The following TJP2 variants were observed in gnomAD, a reference collection of about 807,000 sequenced individuals.
TJP2 encodes the protein tight junction protein 2.
Under a neutral mutation model 133.1 loss-of-function variants are expected in TJP2, and 91 were observed. The ratio of observed to expected loss-of-function variants is 0.68; its 90% confidence interval spans 0.58 to 0.81. TJP2 has a LOEUF of 0.81. Among genes scored for constraint, TJP2 ranks in the 40% least tolerant of loss-of-function variants. TJP2 has a pLI of 0.00. For missense variants in TJP2, 1,541 were observed against 1,565.6 expected (o/e 0.98, Z 0.26); for synonymous variants, 592 against 583.4 (o/e 1.01, Z -0.21).
At chr9:69,132,326 G>C (rs1353292378) in intron 1 of TJP2, among the ~76,000 whole-genome samples, 1 of 152,194 alleles carries the variant, frequency 6.6e-6, no homozygotes, top group Non-Finnish European at 1.5e-5. Flanking sequence ...CATCAGCTGA[G>C]AGCCACCTTG....
Position 69,237,131 on chromosome 9 carries a change from GAGA to G in TJP2, c.2177_2179del (p.Glu726del). 2 of 1,614,056 alleles carry G rather than the reference GAGA, an allele frequency of 1.2e-6. No individual in the cohort carries two copies. Among genetic ancestry groups the G allele is most frequent in the Non-Finnish European group, 1.7e-6 (2 of 1,179,972 alleles). On this transcript the variant is annotated inframe_deletion and splice_region_variant, in exon 14 of 23. Coordinates refer to ENST00000377245, the MANE Select transcript of TJP2 (RefSeq NM_004817.4). ...CCAGCTTATGAGAGGGTTTTGCTGCGAGAAGGTGAGGAAGTCACATGGGGCCTG... is the reference window on the plus strand; with the variant it reads ...CCAGCTTATGAGAGGGTTTTGCTGCGAGGTGAGGAAGTCACATGGGGCCTG...
rs1001494181 is a variant in TJP2, at chr9:69,163,930, G to A, written c.-10+12159G>A. Among the ~76,000 whole-genome samples, 6 of 152,214 alleles carry A rather than the reference G, an allele frequency of 3.9e-5. No individual in the cohort carries two copies. In the East Asian group the frequency reaches 5.8e-4, roughly 15 times the overall value. On this transcript the variant is annotated intron_variant, in intron 2 of 5. Transcript: ENST00000423935. ...GAATCACCTGGGGGGGCATGTGAAC[G>A]CTGTCAGATCCCAACGCCCTTCTCA...
At chr9:69,130,624 T>C (rs1179352300) in intron 1 of TJP2, among the ~76,000 whole-genome samples, 5 of 152,070 alleles carry the variant, frequency 3.3e-5, no homozygotes, top group African/African-American at 9.7e-5. Context: ...GGAACTTGCA[T>C]GACGGAAGGG....
At chr9:69,139,170 T>C (rs544448786) in intron 1 of TJP2, among the ~76,000 whole-genome samples, 2 of 152,136 alleles carry the variant, frequency 1.3e-5, no homozygotes, top group East Asian at 1.9e-4. Flanking sequence ...TGAGCTGAGA[T>C]TGAGCCACTG....
chr9:69,227,871 A>G lies in TJP2; in HGVS notation c.1317A>G (p.Pro439=). 6.2e-7 allele frequency: 1 copy of G among 1,613,420 alleles called. No individual in the cohort carries two copies. Among genetic ancestry groups the G allele is most frequent in the Non-Finnish European group, 8.5e-7 (1 of 1,179,328 alleles). ...CAAGTGAGAAGCTGAAGGAAAGGCC[A>G]AGGTAAGATGACATGAATATTCTCT... ...HSSSEKLKER[P]SSREDTPSRL... The change falls in exon 8 of 23, where the codon CCA becomes CCG. Residue 439 remains proline, a splice_region_variant and synonymous_variant. Coordinates refer to ENST00000377245, the MANE Select transcript of TJP2 (RefSeq NM_004817.4).
At chr9:69,211,274 T>G (rs1827892022) in intron 1 of TJP2, among the ~76,000 whole-genome samples, 2 of 152,218 alleles carry the variant, frequency 1.3e-5, no homozygotes, top group South Asian at 4.1e-4. Context: ...GAGGCGGAGG[T>G]TGCAGTGAGT....
chr9:69,212,483 A>C, intron 1 of TJP2, 65 bp from the exon 2 acceptor site: 1 of 1,240,770 alleles, frequency 8.1e-7, no homozygotes. Context: ...TTTGAATGAT[A>C]ATTTTATTTC....
At chr9:69,210,430 T>TGTA (rs1490649706) in intron 1 of TJP2, among the ~76,000 whole-genome samples, 2 of 152,144 alleles carry the variant, frequency 1.3e-5, no homozygotes, top group Admixed American at 1.3e-4. Context: ...CAGACACTGT[T>TGTA]GTAGCAGATA....
rs1165850721 is a variant in TJP2 at position 69,252,856 on chromosome 9, A to G, written c.3363A>G (p.Pro1121=). 5 of 1,614,066 alleles carry G rather than the reference A, an allele frequency of 3.1e-6. No individual in the cohort carries two copies. Among genetic ancestry groups the G allele is most frequent in the Non-Finnish European group, 4.2e-6 (5 of 1,180,038 alleles). ...AGCATCCTGATATCTATGCAGTTCCAATCAAAACGCACAAGCCAGACCCTG... is the reference window on the plus strand; with the variant it reads ...AGCATCCTGATATCTATGCAGTTCCGATCAAAACGCACAAGCCAGACCCTG... ...AQKHPDIYAV[P]IKTHKPDPGT... The change falls in exon 22 of 23, where the codon CCA becomes CCG. Residue 1121 remains proline, a synonymous_variant. Transcript: ENST00000377245.
chr9:69,205,167 G>T (rs142753469), intron 1 of TJP2: 1 of 1,537,272 alleles, frequency 6.5e-7, no homozygotes, highest in African/African-American at 1.4e-5. Flanking sequence ...AGACCATGAA[G>T]ACTGCTCAAG....
chr9:69,235,989 A>G (rs761955301), intron 12 of TJP2, 39 bp from the exon 13 acceptor site: 26 of 1,596,544 alleles, frequency 1.6e-5, no homozygotes, highest in Non-Finnish European at 2.2e-5. Context: ...TGTAACTTGT[A>G]CTAAGCTGAA....
intron 4 of TJP2, 158 bp downstream of exon 4, chr9:69,218,517 G>A (rs1828561409): frequency 1.5e-6 from 1 of 688,898 alleles, no homozygotes. Flanking sequence ...GAAGATATGT[G>A]TAAGTTATCT....
chr9:69,149,262 A>G (rs991021514), intron 1 of TJP2, among the ~76,000 whole-genome samples: 9 of 152,262 alleles, frequency 5.9e-5, no homozygotes, highest in Non-Finnish European at 1.5e-5. Flanking sequence ...AGCCATTTTA[A>G]TAAAAGAAAT....
intron 2 of TJP2, among the ~76,000 whole-genome samples, chr9:69,154,027 C>G (rs1362142259): frequency 6.6e-6 from 1 of 152,186 alleles, no homozygotes; most frequent in Non-Finnish European, 1.5e-5. Context: ...TATGGTTCCT[C>G]CTCACAACAA....
intron 2 of TJP2, chr9:69,151,779 C>T (rs1823489329): frequency 3.2e-6 from 4 of 1,232,090 alleles, no homozygotes; most frequent in Non-Finnish European, 4.0e-6. Flanking sequence ...CAGGTATTTG[C>T]TTATTTAATC....
Position 69,254,428 on chromosome 9 carries a change from T to C in TJP2, c.*54T>C, listed in dbSNP as rs746032524. On this transcript the variant is annotated 3_prime_UTR_variant, in exon 23 of 23. Transcript: ENST00000377245. ...GCCTGCATGGCATCAGACTAGCCAC[T>C]CCTGCCAGGCCGCCGGGATGGTTCT... The C allele has an allele frequency of 6.3e-5, 102 of 1,610,242 alleles. No individual in the cohort carries two copies. Among genetic ancestry groups the C allele is most frequent in the East Asian group, 2.2e-5 (1 of 44,856 alleles).
At chr9:69,236,834 G>A in intron 13 of TJP2, 115 bp from the exon 14 acceptor site, 1 of 1,258,962 alleles carries the variant, frequency 7.9e-7, no homozygotes, top group Non-Finnish European at 1.2e-6. Flanking sequence ...CTTCTTCATT[G>A]TCAAGCGGAA....
At chr9:69,152,642 G>A (rs957423422) in intron 2 of TJP2, among the ~76,000 whole-genome samples, 1 of 151,860 alleles carries the variant, frequency 6.6e-6, no homozygotes, top group Non-Finnish European at 1.5e-5. Context: ...AAAAGGGAAC[G>A]TCGACATGAA....
At chr9:69,218,073 T>C (rs147057342) in intron 3 of TJP2, among the ~76,000 whole-genome samples, 184 bp from the exon 4 acceptor site, 63 of 152,362 alleles carry the variant, frequency 4.1e-4, no homozygotes, top group African/African-American at 1.5e-3. Context: ...TTGAGCTGTA[T>C]GGCCCCCAGT....
Sources: allele counts gnomAD v4.1 joint callset (sites outside exome capture counted in the v4.1 genomes callset), GRCh38; gene constraint gnomAD v4.1.1; transcripts MANE v1.5; gene names NCBI Gene and HGNC (gene_info 2026-07-23, HGNC 2026-07-21).